Variants in RTTN observed in about 807,000 individuals in gnomAD.
RTTN encodes the protein rotatin.
A neutral mutation model predicts 269.2 loss-of-function variants in RTTN; 182 were observed. The observed-to-expected ratio is 0.68, with a 90% CI of 0.60 to 0.76. RTTN has a LOEUF of 0.76. Among genes scored for constraint, RTTN ranks in the 30% least tolerant of loss-of-function variants. The pLI is 0.00. For missense variants in RTTN, 2,545 were observed against 2,608.6 expected, an observed-to-expected ratio of 0.98 and a Z score of 0.53; for synonymous variants, 1,006 against 963.5, an observed-to-expected ratio of 1.04 and a Z score of -0.82.
chr18:70,099,471 T>C (rs1422621362), intron 28 of RTTN, among the ~76,000 whole-genome samples: 2 of 152,244 alleles, frequency 1.3e-5, no homozygotes, highest in Non-Finnish European at 2.9e-5. Context: ...TTATAGATTC[T>C]GGATATTAGC....
intron 47 of RTTN, 123 bp downstream of exon 47, chr18:70,006,258 T>C: frequency 1.5e-6 from 1 of 652,268 alleles, no homozygotes; most frequent in Non-Finnish European, 2.7e-6. Context: ...AACATGGATC[T>C]TTGATTTTGT....
chr18:70,066,219 G>A (rs549569813), intron 34 of RTTN, among the ~76,000 whole-genome samples: 16 of 152,260 alleles, frequency 1.1e-4, no homozygotes, highest in Admixed American at 9.2e-4. Context: ...TTGCCCAAAT[G>A]TTAGAAAGGC....
At chr18:70,021,589 G>A (rs1018658155) in intron 44 of RTTN, among the ~76,000 whole-genome samples, 1 of 152,150 alleles carries the variant, frequency 6.6e-6, no homozygotes, top group Non-Finnish European at 1.5e-5. Flanking sequence ...AGTGGAGCTG[G>A]AAAATGCACT....
intron 40 of RTTN, among the ~76,000 whole-genome samples, chr18:70,037,591 G>A (rs1271789154): frequency 1.3e-5 from 2 of 152,152 alleles, no homozygotes; most frequent in African/African-American, 4.8e-5. Context: ...GAGCCCTCAG[G>A]CCCTGAATAA....
At chr18:70,199,593 A>C in intron 4 of RTTN, 89 bp from the exon 5 acceptor site, 1 of 911,922 alleles carries the variant, frequency 1.1e-6, no homozygotes, top group East Asian at 2.6e-5. Flanking sequence ...CTTTAAAACA[A>C]GTCCCAAAAT....
chr18:70,071,526 G>A (rs930027849), intron 34 of RTTN, among the ~76,000 whole-genome samples: 14 of 152,092 alleles, frequency 9.2e-5, no homozygotes, highest in African/African-American at 3.1e-4. Flanking sequence ...ACGTGATTTC[G>A]AGAAGAAAAA....
At chr18:70,133,636 T>C (rs1174980995) in intron 23 of RTTN, among the ~76,000 whole-genome samples, 1 of 152,128 alleles carries the variant, frequency 6.6e-6, no homozygotes, top group Non-Finnish European at 1.5e-5. Context: ...TAATGCACTC[T>C]ATTTATAAAG....
At chr18:70,156,581 C>T (rs1171254591) in intron 14 of RTTN, among the ~76,000 whole-genome samples, 1 of 152,114 alleles carries the variant, frequency 6.6e-6, no homozygotes, top group Non-Finnish European at 1.5e-5. Flanking sequence ...CCTATTTGTA[C>T]ACTCCCTCCC....
At chr18:70,177,747 C>G (rs146374989) in intron 10 of RTTN, among the ~76,000 whole-genome samples, 4 of 152,186 alleles carry the variant, frequency 2.6e-5, no homozygotes, top group African/African-American at 7.2e-5. Flanking sequence ...GATGACTATA[C>G]AGGGAACAAC....
chr18:70,063,365 T>G (rs1441393723), intron 35 of RTTN, among the ~76,000 whole-genome samples: 2 of 152,220 alleles, frequency 1.3e-5, no homozygotes, highest in Non-Finnish European at 2.9e-5. Context: ...TTTTAGGTCC[T>G]TTGTGAATTA....
intron 38 of RTTN, among the ~76,000 whole-genome samples, chr18:70,053,011 C>T (rs1410212863): frequency 2.6e-5 from 4 of 152,168 alleles, no homozygotes; most frequent in African/African-American, 9.7e-5. Context: ...AAAGCATTCA[C>T]AAGGCAGCCA....
At chr18:70,059,769 AAATCTTGTATCAAGT>A (rs1274655429) in intron 36 of RTTN, 66 bp downstream of exon 36, 93 of 969,302 alleles carry the variant, frequency 9.6e-5, no homozygotes, top group Non-Finnish European at 1.3e-4. Flanking sequence ...AGGTCACAAG[AAATCTTGTATCAAGT>A]CATGAATACA....
At chr18:70,086,717 A>AGGT in intron 31 of RTTN, 33 bp from the exon 32 acceptor site, 15 of 1,160,488 alleles carry the variant, frequency 1.3e-5, no homozygotes, top group Non-Finnish European at 1.6e-5. Context: ...AAAAAAAAAA[A>AGGT]AAAAAAAAAA....
At chr18:70,030,447 C>T (rs1002387497) in intron 41 of RTTN, among the ~76,000 whole-genome samples, 3 of 152,092 alleles carry the variant, frequency 2.0e-5, no homozygotes, top group African/African-American at 7.2e-5. Context: ...TTCTCCGATT[C>T]CCAAATGAGA....
chr18:70,060,393 C>G (rs985096313), intron 35 of RTTN, among the ~76,000 whole-genome samples: 16 of 151,968 alleles, frequency 1.1e-4, no homozygotes, highest in African/African-American at 3.9e-4. Context: ...CTCGAGGGGC[C>G]AAAGGTGTGT....
At chr18:70,155,790 T>A (rs1305225735) in intron 14 of RTTN, among the ~76,000 whole-genome samples, 1 of 152,228 alleles carries the variant, frequency 6.6e-6, no homozygotes, top group Non-Finnish European at 1.5e-5. Context: ...TTGTGAAGAT[T>A]TCATGGACAT....
At chr18:70,146,070 T>C (rs1280982280) in intron 17 of RTTN, among the ~76,000 whole-genome samples, 2 of 152,156 alleles carry the variant, frequency 1.3e-5, no homozygotes, top group African/African-American at 4.8e-5. Flanking sequence ...AATAAGTACA[T>C]CTGCGAATTA....
chr18:70,076,215 T>A lies in RTTN; in HGVS notation c.4375-674A>T, dbSNP rs186529802. On this transcript the variant is annotated intron_variant, in intron 32 of 48. Coordinates refer to ENST00000640769, the MANE Select transcript of RTTN (RefSeq NM_173630.4). ...GTATCTAATAGCAAAAAGCAAGCAA[T>A]GAGGATTGGTTTGAAGTTTGCAAAT... Among the ~76,000 whole-genome samples the A allele has an allele frequency of 3.9e-3, 588 of 152,190 alleles. 1 individual carries two copies. The highest frequency in any genetic ancestry group is 0.011 in the Admixed American group (165 of 15,256).
Position 70,012,553 on chromosome 18 carries a change from C to T in RTTN, c.6421+4854G>A, listed in dbSNP as rs140949892. Among the ~76,000 whole-genome samples the T allele has an allele frequency of 1.3e-3, 186 of 144,608 alleles. No homozygotes were observed. The East Asian group carries it at 0.032, about 25-fold the overall frequency. 94.9% of individuals were successfully genotyped at this position (144,608 alleles called of 152,430 possible). A position where few individuals can be genotyped will look rare whatever the true frequency, so the allele number is the denominator to read the frequency against. ...CTCACTGGTGTTAGATAGAGGGCAGCGTCTGCTCACTGGTATTGGTTAGAG... is the reference window on the plus strand; with the variant it reads ...CTCACTGGTGTTAGATAGAGGGCAGTGTCTGCTCACTGGTATTGGTTAGAG... On this transcript the variant is annotated intron_variant, in intron 46 of 48. Transcript: ENST00000640769.
Sources: allele counts gnomAD v4.1 joint callset (sites outside exome capture counted in the v4.1 genomes callset), GRCh38; gene constraint gnomAD v4.1.1; transcripts MANE v1.5; gene names NCBI Gene and HGNC (gene_info 2026-07-23, HGNC 2026-07-21).